The following SGCG variants were observed in gnomAD, a reference collection of about 807,000 sequenced individuals.
The protein encoded by SGCG is sarcoglycan gamma.
SGCG carries 26 observed loss-of-function variants against 29.3 expected under a neutral mutation model. That is an observed-to-expected ratio of 0.89 (90% CI 0.65 to 1.23). The LOEUF is 1.23. SGCG is among the 50% of genes most tolerant of loss of function. The probability of loss-of-function intolerance (pLI) is 0.00; values close to 1 mark genes in which losing one functional copy is unlikely to be tolerated. For missense variants in SGCG, 353 were observed against 356.0 expected (o/e 0.99, Z 0.07); for synonymous variants, 145 against 129.7 (o/e 1.12, Z -0.80).
chr13:23,175,985 A>T (rs1876544700), upstream of SGCG, among the ~76,000 whole-genome samples: 4 of 152,154 alleles, frequency 2.6e-5, no homozygotes, highest in South Asian at 8.3e-4. Flanking sequence ...TATGTGAAAG[A>T]TCTATGGCCA....
intron 4 of SGCG, among the ~76,000 whole-genome samples, chr13:23,262,284 T>C (rs1290431566): frequency 3.3e-5 from 5 of 151,960 alleles, no homozygotes; most frequent in Non-Finnish European, 5.9e-5. Context: ...AGGATTCTCA[T>C]AGACTCAAGG....
At chr13:23,175,401 T>C in the SGCG span, among the ~76,000 whole-genome samples, 1 of 152,194 alleles carries the variant, frequency 6.6e-6, no homozygotes, top group Non-Finnish European at 1.5e-5. Context: ...TGATAATTAC[T>C]CTTAACATAT....
the SGCG span, among the ~76,000 whole-genome samples, chr13:23,170,308 C>A: frequency 6.6e-6 from 1 of 152,170 alleles, no homozygotes. Context: ...TTGGAATCCT[C>A]CTTTCCTATG....
At chr13:23,306,190 C>A (rs1882355366) in intron 6 of SGCG, among the ~76,000 whole-genome samples, 1 of 152,072 alleles carries the variant, frequency 6.6e-6, no homozygotes, top group African/African-American at 2.4e-5. Context: ...GTTTAAGTAA[C>A]CCTGTTACTC....
intron 6 of SGCG, among the ~76,000 whole-genome samples, chr13:23,299,456 A>ATATTTTTTTTTTTTT (rs1882059808): frequency 2.4e-5 from 1 of 41,546 alleles, no homozygotes; most frequent in Non-Finnish European, 4.8e-5. Flanking sequence ...ATATATATAT[A>ATATTTTTTTTTTTTT]TTTTTTTTTT....
chr13:23,283,943 T>C (rs1881402116), intron 5 of SGCG, among the ~76,000 whole-genome samples: 1 of 152,230 alleles, frequency 6.6e-6, no homozygotes, highest in African/African-American at 2.4e-5. Flanking sequence ...CCCACTCTTT[T>C]CTGGATTATA....
intron 6 of SGCG, among the ~76,000 whole-genome samples, chr13:23,311,206 T>C (rs1882588466): frequency 6.6e-6 from 1 of 152,336 alleles, no homozygotes; most frequent in Non-Finnish European, 1.5e-5. Context: ...GCACTTTTGA[T>C]TCTTTAGAGA....
At chr13:23,206,062 T>C (rs1877969715) in intron 2 of SGCG, among the ~76,000 whole-genome samples, 1 of 152,240 alleles carries the variant, frequency 6.6e-6, no homozygotes, top group Non-Finnish European at 1.5e-5. Flanking sequence ...AATTATCCTA[T>C]ATGTTTTGAA....
At chr13:23,312,081 C>G (rs1389280227) in intron 6 of SGCG, among the ~76,000 whole-genome samples, 2 of 152,212 alleles carry the variant, frequency 1.3e-5, no homozygotes, top group African/African-American at 4.8e-5. Flanking sequence ...TCTGCGGACT[C>G]TAGCTTCTTC....
In SGCG at chr13:23,299,456, A is replaced by ATTTTTTT. The variant is rs71100168; in HGVS notation, c.578+3979_578+3985dup. 8.2e-3 allele frequency among the ~76,000 whole-genome samples: 339 copies of ATTTTTTT among 41,476 alleles called. 43 individuals carry two copies. Among genetic ancestry groups the ATTTTTTT allele is most frequent in the Non-Finnish European group, 0.011 (229 of 20,802 alleles). The allele number at this position is 41,476 out of a possible 152,430, so 27.2% of individuals were successfully genotyped here. ...TATATATATATATATATATATATAT[A>ATTTTTTT]TTTTTTTTTTTTTTTTAGTCGGAGT... On this transcript the variant is annotated intron_variant, in intron 6 of 7. Transcript: ENST00000218867.
intron 4 of SGCG, among the ~76,000 whole-genome samples, chr13:23,272,777 C>T (rs929536058): frequency 6.6e-6 from 1 of 152,022 alleles, no homozygotes; most frequent in African/African-American, 2.4e-5. Flanking sequence ...TTTTAACTTC[C>T]CCATTTCTTG....
intron 6 of SGCG, among the ~76,000 whole-genome samples, chr13:23,301,285 A>G (rs1340200681): frequency 6.6e-6 from 1 of 152,216 alleles, no homozygotes; most frequent in East Asian, 1.9e-4. Context: ...AAAAATGAAT[A>G]GAAATGTAAG....
At chr13:23,197,031 A>C (rs1237722233) in intron 1 of SGCG, among the ~76,000 whole-genome samples, 1 of 152,094 alleles carries the variant, frequency 6.6e-6, no homozygotes, top group Non-Finnish European at 1.5e-5. Context: ...GATGCCTCTT[A>C]GTTCTCACTT....
intron 2 of SGCG, among the ~76,000 whole-genome samples, chr13:23,225,242 G>A (rs1009960587): frequency 1.3e-5 from 2 of 152,166 alleles, no homozygotes; most frequent in Non-Finnish European, 2.9e-5. Flanking sequence ...TGGCCGAAGG[G>A]ACTTTGCAGA....
At chr13:23,206,878 T>C (rs1073716) in intron 2 of SGCG, among the ~76,000 whole-genome samples, 13,965 of 152,218 alleles carry the variant, frequency 0.092, 856 homozygotes, top group South Asian at 0.2. Context: ...ATTAATAAAA[T>C]GTACATTGTA....
chr13:23,229,086 T>A (rs200329980), intron 2 of SGCG, among the ~76,000 whole-genome samples: 5,223 of 152,248 alleles, frequency 0.034, 190 homozygotes, highest in East Asian at 0.19. Flanking sequence ...GCCAGGCTGG[T>A]CTTGAACTCC....
At chr13:23,273,237 T>C (rs1880935739) in intron 4 of SGCG, among the ~76,000 whole-genome samples, 1 of 152,022 alleles carries the variant, frequency 6.6e-6, no homozygotes, top group African/African-American at 2.4e-5. Flanking sequence ...CAGGCTTCAG[T>C]ACAATGGCAC....
At chr13:23,199,285 A>G (rs1877646509) in intron 1 of SGCG, among the ~76,000 whole-genome samples, 1 of 152,208 alleles carries the variant, frequency 6.6e-6, no homozygotes, top group South Asian at 2.1e-4. Flanking sequence ...TTTAAGTTCT[A>G]ATATACTTAT....
chr13:23,240,473 T>G (rs1879464531), intron 3 of SGCG, among the ~76,000 whole-genome samples: 2 of 152,212 alleles, frequency 1.3e-5, no homozygotes, highest in South Asian at 4.1e-4. Flanking sequence ...CAACTTGATA[T>G]AATTAAAATT....
Sources: gnomAD v4.1 joint callset for allele counts (sites outside exome capture counted in the v4.1 genomes callset) on GRCh38, gnomAD v4.1.1 for gene constraint, MANE v1.5 for transcripts, NCBI Gene and HGNC (gene_info 2026-07-23, HGNC 2026-07-21) for gene names.